The following ADCY8 variants were observed in gnomAD, a reference collection of about 807,000 sequenced individuals.
ADCY8 encodes the protein adenylate cyclase type 8.
A neutral mutation model predicts 119.7 loss-of-function variants in ADCY8; 51 were observed. The ratio of observed to expected loss-of-function variants is 0.43; its 90% CI spans 0.34 to 0.54. The LOEUF is 0.54. Among genes scored for constraint, ADCY8 ranks in the 20% least tolerant of loss-of-function variants. The probability of loss-of-function intolerance (pLI) is 0.03; values close to 1 mark genes in which losing one functional copy is unlikely to be tolerated. For synonymous variants in ADCY8, 665 were observed against 651.0 expected (o/e 1.02, Z -0.33); for missense variants, 1,383 against 1,598.8 (o/e 0.87, Z 2.30).
chr8:130,984,677 G>GA (rs1307821192), intron 2 of ADCY8, among the ~76,000 whole-genome samples: 1 of 152,022 alleles, frequency 6.6e-6, no homozygotes, highest in East Asian at 1.9e-4. Flanking sequence ...AGGAAATATA[G>GA]AAAAAAATGT....
In ADCY8 at chr8:131,029,855, T is replaced by G. The variant is rs371597332; in HGVS notation, c.960+9519A>C. Among the ~76,000 whole-genome samples the G allele has an allele frequency of 1.7e-4, 16 of 96,006 alleles. No homozygotes were observed. The East Asian group carries it at 3.5e-3, about 21-fold the overall frequency. The allele number at this position is 96,006 out of a possible 152,430, so 63.0% of individuals were successfully genotyped here. On this transcript the variant is annotated intron_variant, in intron 1 of 17. Coordinates refer to ENST00000286355, the MANE Select transcript of ADCY8 (RefSeq NM_001115.3). The stretch of plus-strand genomic sequence containing the variant: ...ATGATTCTGTAATGATGTGTGTGTG[T>G]GGGTGGGGGTGGAGTAGGGGGTGGC...
intron 14 of ADCY8, among the ~76,000 whole-genome samples, chr8:130,802,515 T>A (rs902804066): frequency 6.6e-6 from 1 of 152,148 alleles, no homozygotes; most frequent in Non-Finnish European, 1.5e-5. Context: ...CTATCTTAAA[T>A]CCCTCCAATG....
At chr8:130,833,574 C>T (rs1380461272) in intron 12 of ADCY8, among the ~76,000 whole-genome samples, 1 of 152,068 alleles carries the variant, frequency 6.6e-6, no homozygotes, top group Non-Finnish European at 1.5e-5. Context: ...ATGGATGAAC[C>T]TGGATGACAT....
chr8:130,852,185 C>T (rs1390969630), intron 9 of ADCY8, among the ~76,000 whole-genome samples: 2 of 152,188 alleles, frequency 1.3e-5, no homozygotes, highest in African/African-American at 2.4e-5. Context: ...TCAATTTCCT[C>T]TGCATGATGA....
intron 15 of ADCY8, among the ~76,000 whole-genome samples, chr8:130,789,388 C>T (rs902862423): frequency 3.3e-5 from 5 of 152,096 alleles, no homozygotes; most frequent in Non-Finnish European, 5.9e-5. Flanking sequence ...CGTCTGTCAT[C>T]GTCACTTTAT....
At position 130,907,878 on chromosome 8, in the gene ADCY8, C is replaced by T. The variant is rs563635181; in HGVS notation, c.1640+1830G>A. ...ACATACTACCCAACAGGTAGTTTCT[C>T]GTCCCTTGTCCCACTCTCTCCCTTC... On this transcript the variant is annotated intron_variant, in intron 6 of 17. Transcript: ENST00000286355. Among the ~76,000 whole-genome samples the T allele has an allele frequency of 2.6e-5, 4 of 152,246 alleles. No homozygotes were observed. In the East Asian group the frequency reaches 5.8e-4, roughly 22 times the overall value.
At chr8:130,911,227 A>G (rs1819970908) in intron 5 of ADCY8, among the ~76,000 whole-genome samples, 1 of 152,186 alleles carries the variant, frequency 6.6e-6, no homozygotes, top group African/African-American at 2.4e-5. Context: ...TGAGAATGGA[A>G]GTTTGGAAAT....
At chr8:130,997,045 A>G (rs901779468) in intron 1 of ADCY8, among the ~76,000 whole-genome samples, 1 of 152,176 alleles carries the variant, frequency 6.6e-6, no homozygotes, top group South Asian at 2.1e-4. Flanking sequence ...TATTTTTAAC[A>G]GTAAGAGAAA....
intron 12 of ADCY8, among the ~76,000 whole-genome samples, chr8:130,822,535 A>C (rs990615608): frequency 7.2e-6 from 1 of 139,664 alleles, no homozygotes; most frequent in African/African-American, 2.7e-5. Flanking sequence ...TGAATCCATG[A>C]ATCCATCCAT....
intron 2 of ADCY8, among the ~76,000 whole-genome samples, chr8:130,955,671 A>T (rs1821404879): frequency 6.6e-6 from 1 of 152,226 alleles, no homozygotes. Flanking sequence ...TATGCAAACT[A>T]AAAACATTTT....
chr8:130,984,225 G>C (rs1261112543), intron 2 of ADCY8, among the ~76,000 whole-genome samples: 1 of 152,186 alleles, frequency 6.6e-6, no homozygotes, highest in Non-Finnish European at 1.5e-5. Context: ...TCCCTGTGGG[G>C]AGGAGAGGAG....
At position 130,796,630 on chromosome 8, in the gene ADCY8, G is replaced by T. The variant is rs902695007; in HGVS notation, c.3060+3796C>A. Among the ~76,000 whole-genome samples, 12 of 152,060 alleles carry T rather than the reference G, an allele frequency of 7.9e-5. No homozygotes were observed. The South Asian group carries it at 1.7e-3, about 21-fold the overall frequency. ...AAACAAAACAAAACAAAAAAGGCAG[G>T]TCTGAGTGACCCAAGGACCCACACA... is the stretch of plus-strand genomic sequence containing the variant. On this transcript the variant is annotated intron_variant, in intron 15 of 17. Transcript: ENST00000286355.
chr8:130,847,577 T>C, intron 10 of ADCY8, 64 bp from the exon 11 acceptor site: 1 of 1,376,574 alleles, frequency 7.3e-7, no homozygotes. Context: ...AAAGTCAGTG[T>C]GAGTGCTGGA....
intron 4 of ADCY8, among the ~76,000 whole-genome samples, chr8:130,938,691 A>C (rs182633043): frequency 9.2e-5 from 14 of 152,332 alleles, no homozygotes; most frequent in Admixed American, 6.5e-4. Flanking sequence ...TCCCAAGAAA[A>C]ACAAATATTA....
chr8:130,844,487 G>A (rs1817239577), intron 11 of ADCY8, among the ~76,000 whole-genome samples: 1 of 152,184 alleles, frequency 6.6e-6, no homozygotes, highest in Non-Finnish European at 1.5e-5. Flanking sequence ...CTCATAGGGT[G>A]AGGCAGAAAT....
At chr8:130,967,669 A>G (rs1821801759) in intron 2 of ADCY8, among the ~76,000 whole-genome samples, 1 of 152,236 alleles carries the variant, frequency 6.6e-6, no homozygotes, top group Admixed American at 6.5e-5. Flanking sequence ...AATGAGTCAC[A>G]AAATTCAGGT....
chr8:130,983,140 T>A (rs544106773), intron 2 of ADCY8, among the ~76,000 whole-genome samples: 89 of 152,104 alleles, frequency 5.9e-4, no homozygotes, highest in Non-Finnish European at 1.0e-3. Context: ...TACTGAAAAA[T>A]TAAGGTACTC....
At chr8:131,001,546 T>C (rs10956571) in intron 1 of ADCY8, among the ~76,000 whole-genome samples, 82,212 of 148,040 alleles carry the variant, frequency 0.56, 23,671 homozygotes, top group East Asian at 0.78. Context: ...CTAATATATA[T>C]ACATACTATA....
Position 131,039,971 on chromosome 8 carries a change from G to GCTGCCGCTGGCA in ADCY8, c.351_362dup (p.Ala118_Ser121dup). ...GGAAGCCCAGGTCGCCCCCGCCTCC[G>GCTGCCGCTGGCA]CTGCCGCTGGCACTGCCGCTCCCGC... On this transcript the variant is annotated inframe_insertion, in exon 1 of 18. Transcript: ENST00000286355. The GCTGCCGCTGGCA allele has an allele frequency of 6.3e-7, 1 of 1,581,460 alleles. No individual in the cohort carries two copies. The highest frequency in any genetic ancestry group is 8.6e-7 in the Non-Finnish European group (1 of 1,164,848).
Sources: gnomAD v4.1 joint callset for allele counts (sites outside exome capture counted in the v4.1 genomes callset) on GRCh38, gnomAD v4.1.1 for gene constraint, MANE v1.5 for transcripts, NCBI Gene and HGNC (gene_info 2026-07-23, HGNC 2026-07-21) for gene names.